Variants in JDP2 observed in about 807,000 individuals in gnomAD.
The protein encoded by JDP2 is progesterone receptor co-activator.
Under a neutral mutation model 17.1 loss-of-function variants are expected in JDP2, and 9 were observed. That is an observed-to-expected ratio of 0.53 (90% CI 0.32 to 0.92). The LOEUF (loss-of-function observed/expected upper bound fraction) is 0.92. Among genes scored for constraint, JDP2 ranks in the 40% least tolerant of loss-of-function variants. The pLI, the probability that JDP2 is intolerant of heterozygous loss-of-function variation, is 0.04. For missense variants in JDP2, 179 were observed against 220.0 expected, an observed-to-expected ratio of 0.81 and a Z score of 1.18; for synonymous variants, 107 against 95.6, an observed-to-expected ratio of 1.12 and a Z score of -0.69.
At chr14:75,433,044 A>T (rs1289655225) in intron 1 of JDP2, among the ~76,000 whole-genome samples, 1 of 151,562 alleles carries the variant, frequency 6.6e-6, no homozygotes, top group Non-Finnish European at 1.5e-5. Context: ...TCTACTAAAA[A>T]ATTAGCCAGG....
intron 2 of JDP2, 71 bp from the exon 3 acceptor site, chr14:75,461,355 C>T (rs1031344937): frequency 1.7e-6 from 2 of 1,151,804 alleles, no homozygotes; most frequent in African/African-American, 3.0e-5. Flanking sequence ...GTCCCTCTGT[C>T]TATGTGTCAG....
In JDP2 at chr14:75,469,379, G is replaced by T. The variant is rs1886713864; in HGVS notation, c.396G>T (p.Leu132=). 1 of 1,614,070 alleles carries T rather than the reference G, an allele frequency of 6.2e-7. No homozygotes were observed. The highest frequency in any genetic ancestry group is 1.3e-5 in the African/African-American group (1 of 74,940). ...AGCGGCAGCAGCTCATCCTGATGCT[G>T]AACCGACACCGCCCCACCTGCATCG... ...KQERQQLILM[L]NRHRPTCIVR... The change falls in exon 4 of 4, where the codon CTG becomes CTT. Residue 132 remains leucine, a synonymous_variant. Transcript: ENST00000651602.
At chr14:75,460,176 G>A (rs1296958003) in intron 2 of JDP2, among the ~76,000 whole-genome samples, 2 of 152,230 alleles carry the variant, frequency 1.3e-5, no homozygotes, top group Admixed American at 6.5e-5. Flanking sequence ...TGGGCAGTGA[G>A]TCTCCTTCTC....
rs774127400 is a variant in JDP2, at chr14:75,469,505, G to A, written c.*30G>A. 4 of 1,600,274 alleles carry A rather than the reference G, an allele frequency of 2.5e-6. No homozygotes were observed. The highest frequency in any genetic ancestry group is 3.4e-6 in the Non-Finnish European group (4 of 1,172,598). ...GGGCTGGGAGGAGGTGGAGGAGGAG[G>A]AAGAGGAGAAGGAAAAGTGACGAAG... On this transcript the variant is annotated 3_prime_UTR_variant, in exon 4 of 4. Transcript: ENST00000651602.
chr14:75,442,625 G>A (rs905621104), intron 2 of JDP2, among the ~76,000 whole-genome samples: 7 of 152,074 alleles, frequency 4.6e-5, no homozygotes, highest in African/African-American at 1.4e-4. Context: ...TCCAAATTTC[G>A]TTGACTTCAG....
At chr14:75,445,842 A>G (rs1173363696) in intron 2 of JDP2, among the ~76,000 whole-genome samples, 4 of 152,216 alleles carry the variant, frequency 2.6e-5, no homozygotes, top group Admixed American at 6.5e-5. Context: ...AAACTTTGGT[A>G]CTTCAAAGGA....
At chr14:75,459,618 G>A (rs1398141132) in intron 2 of JDP2, among the ~76,000 whole-genome samples, 1 of 152,242 alleles carries the variant, frequency 6.6e-6, no homozygotes, top group African/African-American at 2.4e-5. Flanking sequence ...CTGGCCTATA[G>A]CCCTTTGGGC....
At position 75,469,672 on chromosome 14, in the gene JDP2, C is replaced by T; in HGVS notation, c.*197C>T. On this transcript the variant is annotated 3_prime_UTR_variant, in exon 4 of 4. Coordinates refer to ENST00000651602, the MANE Select transcript of JDP2 (RefSeq NM_001135048.2). ...CAGGAGGAAGAGCGGGCTGAGGAAA[C>T]CCAGAGGGACCAAGCGCTGAGACCA... 11 of 582,690 alleles carry T rather than the reference C, an allele frequency of 1.9e-5. No individual in the cohort carries two copies. The highest frequency in any genetic ancestry group is 3.3e-5 in the Non-Finnish European group (11 of 330,896). 36.1% of individuals were successfully genotyped at this position (582,690 alleles called of 1,614,324 possible). A position where few individuals can be genotyped will look rare whatever the true frequency, so the allele number is the denominator to read the frequency against.
intron 2 of JDP2, among the ~76,000 whole-genome samples, chr14:75,458,088 C>A (rs960715994): frequency 1.3e-5 from 2 of 152,146 alleles, no homozygotes; most frequent in Admixed American, 1.3e-4. Context: ...AAACAGGCAC[C>A]CACACAAACC....
intron 2 of JDP2, among the ~76,000 whole-genome samples, chr14:75,445,931 A>G (rs916274517): frequency 6.6e-6 from 1 of 152,246 alleles, no homozygotes; most frequent in Admixed American, 6.5e-5. Flanking sequence ...TGTATCTAGA[A>G]TATATAAAGA....
intron 1 of JDP2, chr14:75,432,345 C>G: frequency 6.4e-7 from 1 of 1,551,196 alleles, no homozygotes; most frequent in Non-Finnish European, 8.7e-7. Flanking sequence ...AGGTACTATG[C>G]GCCATGACCC....
chr14:75,461,820 G>C lies in JDP2; in HGVS notation c.306+290G>C, dbSNP rs150725919. On this transcript the variant is annotated intron_variant, in intron 3 of 3. Coordinates refer to ENST00000651602, the MANE Select transcript of JDP2 (RefSeq NM_001135048.2). ...TGAGGTTAGACCCTTGGTGCTGATT[G>C]ACCCAGATGGCCCAGGACTGCCACT... Among the ~76,000 whole-genome samples the C allele has an allele frequency of 7.6e-3, 1,154 of 152,268 alleles. 13 individuals carry two copies. Among genetic ancestry groups the C allele is most frequent in the African/African-American group, 0.026 (1,079 of 41,548 alleles).
intron 2 of JDP2, among the ~76,000 whole-genome samples, chr14:75,456,117 C>T (rs74067247): frequency 0.011 from 1,617 of 152,332 alleles, 32 homozygotes; most frequent in African/African-American, 0.037. Flanking sequence ...CCTTCTCAAA[C>T]TCCCTTCAAG....
At chr14:75,468,473 A>G (rs61978940) in intron 3 of JDP2, among the ~76,000 whole-genome samples, 8,380 of 152,198 alleles carry the variant, frequency 0.055, 331 homozygotes, top group Admixed American at 0.099. Flanking sequence ...TTACTGTTCA[A>G]TCCCCCAAGC....
At chr14:75,458,953 G>A (rs1015430503) in intron 2 of JDP2, among the ~76,000 whole-genome samples, 1 of 152,206 alleles carries the variant, frequency 6.6e-6, no homozygotes, top group African/African-American at 2.4e-5. Context: ...CCTGACCTGG[G>A]CCTCAGCCTG....
intron 2 of JDP2, among the ~76,000 whole-genome samples, chr14:75,440,723 G>A (rs935035359): frequency 6.6e-6 from 1 of 152,220 alleles, no homozygotes; most frequent in Admixed American, 6.5e-5. Flanking sequence ...GACGATGGCT[G>A]CCGTTACAGC....
chr14:75,469,411 C>A lies in JDP2; in HGVS notation c.428C>A (p.Thr143Asn), dbSNP rs1886716416. ...NRHRPTCIVR[T>N]DSVKTPESEG... ...CACCGCCCCACCTGCATCGTCCGGA[C>A]CGACAGTGTCAAGACCCCCGAGTCA... is the stretch of plus-strand genomic sequence containing the variant. The change falls in exon 4 of 4, where the codon ACC becomes AAC. Residue 143 changes from threonine (T) to asparagine (N), a missense_variant. Transcript: ENST00000651602. The A allele has an allele frequency of 2.5e-6, 4 of 1,613,950 alleles. No individual in the cohort carries two copies. Among genetic ancestry groups the A allele is most frequent in the Non-Finnish European group, 3.4e-6 (4 of 1,180,016 alleles).
Position 75,428,041 on chromosome 14 carries a change from G to T in JDP2, c.-235G>T, listed in dbSNP as rs1884601511. The stretch of plus-strand genomic sequence containing the variant: ...CGTCCCGCCGCCCGCCACAGCCTGC[G>T]GGAGGGACGCTCGGCGGCCGCGACG... On this transcript the variant is annotated 5_prime_UTR_variant, in exon 1 of 4. Coordinates refer to ENST00000651602, the MANE Select transcript of JDP2 (RefSeq NM_001135048.2). This position sits in a 1 kb window ranked among gnomAD's most constrained non-coding sequence, Gnocchi z 5.6. 6.7e-6 allele frequency: 1 copy of T among 150,348 alleles called. No homozygotes were observed. The highest frequency in any genetic ancestry group is 2.0e-4 in the South Asian group (1 of 4,934). The allele number at this position is 150,348 out of a possible 1,614,324, so 9.3% of individuals were successfully genotyped here.
chr14:75,441,924 C>A (rs1291281739), intron 2 of JDP2, among the ~76,000 whole-genome samples: 5 of 152,122 alleles, frequency 3.3e-5, no homozygotes, highest in African/African-American at 1.2e-4. Context: ...GTCTGGAATG[C>A]ATTTTCAGTT....
Sources: allele counts gnomAD v4.1 joint callset (sites outside exome capture counted in the v4.1 genomes callset), GRCh38; gene constraint gnomAD v4.1.1; non-coding constraint Gnocchi (gnomAD v3.1); transcripts MANE v1.5; gene names NCBI Gene and HGNC (gene_info 2026-07-23, HGNC 2026-07-21).